The following DNAH3 variants were observed in gnomAD, a reference collection of about 807,000 sequenced individuals.
DNAH3 encodes axonemal beta dynein heavy chain 3.
In DNAH3, 332 loss-of-function variants were observed where a neutral mutation model predicts 432.5. That is an observed-to-expected ratio of 0.77 (90% CI 0.70 to 0.84). The LOEUF is 0.84. DNAH3 is among the 40% of genes least tolerant of loss of function. The pLI is 0.00. For missense variants in DNAH3, 4,861 were observed against 5,114.0 expected (o/e 0.95, Z 1.51); for synonymous variants, 1,956 against 1,900.2 (o/e 1.03, Z -0.76).
rs1244685358 is a variant in DNAH3 at position 20,985,031 on chromosome 16, G to A, written c.7665+46C>T. 1 of 1,566,898 alleles carries A rather than the reference G, an allele frequency of 6.4e-7. No individual in the cohort carries two copies. The highest frequency in any genetic ancestry group is 2.2e-5 in the East Asian group (1 of 44,574). On this transcript the variant is annotated intron_variant, in intron 48 of 61. Coordinates refer to ENST00000261383, the Ensembl canonical transcript of DNAH3. ...ACACCCAGAAGAACAAGGGCAAATG[G>A]AGTTTTCTTCTTCTTACCGAGGACA... is the stretch of plus-strand genomic sequence containing the variant.
intron 1 of DNAH3, among the ~76,000 whole-genome samples, chr16:21,151,506 C>T (rs1450398341): frequency 1.3e-5 from 2 of 151,986 alleles, no homozygotes; most frequent in African/African-American, 4.8e-5. Flanking sequence ...CCGTGTTAGC[C>T]AGGATGGTCT....
intron 41 of DNAH3, among the ~76,000 whole-genome samples, chr16:21,004,643 C>T (rs2087190901): frequency 6.6e-6 from 1 of 152,176 alleles, no homozygotes; most frequent in African/African-American, 2.4e-5. Context: ...GCTAGGATTA[C>T]AGGTGTGAGC....
intron 12 of DNAH3, 133 bp from the exon 13 acceptor site, chr16:21,112,231 GGCAAAA>G: frequency 3.2e-6 from 2 of 633,380 alleles, no homozygotes; most frequent in Non-Finnish European, 5.4e-6. Context: ...ACTATAATGT[GGCAAAA>G]GTTTCATTAA....
chr16:21,076,814 G>A (rs985520475), intron 20 of DNAH3, among the ~76,000 whole-genome samples: 4 of 152,038 alleles, frequency 2.6e-5, no homozygotes, highest in South Asian at 2.1e-4. Context: ...CCTGATTCAC[G>A]AATCTTGATT....
intron 36 of DNAH3, among the ~76,000 whole-genome samples, 184 bp from the exon 37 acceptor site, chr16:21,031,470 C>T (rs1038134070): frequency 4.6e-5 from 7 of 152,046 alleles, no homozygotes; most frequent in African/African-American, 1.7e-4. Context: ...GCTGTAGTAG[C>T]TCACACCCAT....
chr16:21,034,209 G>C (rs2089045296), intron 35 of DNAH3, 124 bp from the exon 36 acceptor site: 1 of 613,800 alleles, frequency 1.6e-6, no homozygotes, highest in South Asian at 2.0e-5. Context: ...TCTACCTCTG[G>C]AGAACTTCGG....
At chr16:20,943,005 C>T (rs1315300630) in intron 58 of DNAH3, among the ~76,000 whole-genome samples, 1 of 152,062 alleles carries the variant, frequency 6.6e-6, no homozygotes, top group Non-Finnish European at 1.5e-5. Context: ...CTCACTGCAG[C>T]CTCGACCTCC....
intron 9 of DNAH3, among the ~76,000 whole-genome samples, chr16:21,124,248 T>A (rs1246538520): frequency 6.6e-6 from 1 of 152,126 alleles, no homozygotes; most frequent in African/African-American, 2.4e-5. Context: ...TCCCTCAATA[T>A]CAAGCCAAAG....
intron 36 of DNAH3, among the ~76,000 whole-genome samples, chr16:21,031,584 A>C (rs1021092602): frequency 4.0e-5 from 6 of 151,494 alleles, no homozygotes; most frequent in Non-Finnish European, 7.4e-5. Flanking sequence ...CCTGAGCAAC[A>C]GAATGAAGCC....
intron 44 of DNAH3, among the ~76,000 whole-genome samples, chr16:20,989,088 G>T (rs1037699560): frequency 2.0e-5 from 3 of 152,222 alleles, no homozygotes; most frequent in African/African-American, 7.2e-5. Flanking sequence ...AGCTTCCACA[G>T]TGCGGAAAGA....
intron 29 of DNAH3, 79 bp from the exon 30 acceptor site, chr16:21,050,097 C>G (rs892169926): frequency 9.4e-7 from 1 of 1,067,682 alleles, no homozygotes; most frequent in African/African-American, 1.6e-5. Context: ...TATTTTGACT[C>G]ATACAAATAT....
chr16:21,085,797 T>TC (rs1471230422), intron 19 of DNAH3, among the ~76,000 whole-genome samples: 1 of 151,268 alleles, frequency 6.6e-6, no homozygotes, highest in Non-Finnish European at 1.5e-5. Flanking sequence ...GGCTTTTTTG[T>TC]CCCCCCGTTA....
At position 20,966,014 on chromosome 16, in the gene DNAH3, ATTTTTTTTTTTTTTTTTTTT is replaced by A. The variant is rs555983378; in HGVS notation, c.8459-609_8459-590del. Among the ~76,000 whole-genome samples, 258 of 48,386 alleles carry A rather than the reference ATTTTTTTTTTTTTTTTTTTT, an allele frequency of 5.3e-3. 7 individuals are homozygous for A. Among genetic ancestry groups the A allele is most frequent in the Non-Finnish European group, 8.3e-3 (207 of 24,922 alleles). 31.7% of individuals were successfully genotyped at this position (48,386 alleles called of 152,430 possible). On this transcript the variant is annotated intron_variant, in intron 52 of 61. Transcript: ENST00000261383. Reference sequence around the variant, plus strand: ...AGGCCTGAGCCACCATGCCCAGCCAATTTTTTTTTTTTTTTTTTTTTTTTTTTTTTTTTTTTTTTTGAGAT... The same window carrying A: ...AGGCCTGAGCCACCATGCCCAGCCAATTTTTTTTTTTTTTTTTTTTGAGAT...
At chr16:21,004,926 A>G (rs183590610) in intron 41 of DNAH3, among the ~76,000 whole-genome samples, 184 of 152,252 alleles carry the variant, frequency 1.2e-3, no homozygotes, top group African/African-American at 4.3e-3. Context: ...TGTCATTGAC[A>G]CTATAACTTT....
intron 52 of DNAH3, among the ~76,000 whole-genome samples, chr16:20,968,801 C>T (rs2085180141): frequency 6.6e-6 from 1 of 151,592 alleles, no homozygotes. Context: ...TCCCCCAACT[C>T]CTCTTCTCTG....
At chr16:21,038,818 C>G (rs952675192) in intron 33 of DNAH3, among the ~76,000 whole-genome samples, 5 of 152,172 alleles carry the variant, frequency 3.3e-5, no homozygotes, top group African/African-American at 1.2e-4. Flanking sequence ...CTATAGAAAA[C>G]AAATGAGTTA....
intron 14 of DNAH3, among the ~76,000 whole-genome samples, chr16:21,106,886 T>C (rs2152801045): frequency 6.6e-6 from 1 of 152,310 alleles, no homozygotes; most frequent in Middle Eastern, 3.4e-3. Context: ...GTTGTAATGA[T>C]AATAATACCT....
intron 1 of DNAH3, among the ~76,000 whole-genome samples, chr16:21,153,159 C>T (rs2092874215): frequency 6.6e-6 from 1 of 152,076 alleles, no homozygotes; most frequent in Non-Finnish European, 1.5e-5. Flanking sequence ...GTGAATGCAC[C>T]AATCGACACT....
intron 44 of DNAH3, among the ~76,000 whole-genome samples, chr16:20,992,213 A>G (rs2086587210): frequency 6.6e-6 from 1 of 152,134 alleles, no homozygotes; most frequent in South Asian, 2.1e-4. Flanking sequence ...TGAAGCTTAA[A>G]TTTTCTCATC....
Sources: gnomAD v4.1 joint callset for allele counts (sites outside exome capture counted in the v4.1 genomes callset) on GRCh38, gnomAD v4.1.1 for gene constraint, MANE v1.5 for transcripts, NCBI Gene and HGNC (gene_info 2026-07-23, HGNC 2026-07-21) for gene names.